The following CCDC171 variants were observed in gnomAD, a reference collection of about 807,000 sequenced individuals.
CCDC171 encodes the protein coiled-coil domain-containing protein 171.
CCDC171 carries 177 observed loss-of-function variants against 168.2 expected under a neutral mutation model. That is an observed-to-expected ratio of 1.05 (90% CI 0.93 to 1.19). The LOEUF is 1.19. Among genes scored for constraint, CCDC171 ranks in the 50% most tolerant of loss-of-function variants. The pLI is 0.00. For synonymous variants in CCDC171, 687 were observed against 540.8 expected (o/e 1.27, Z -3.75); for missense variants, 1,991 against 1,539.0 (o/e 1.29, Z -4.91).
intron 9 of CCDC171, among the ~76,000 whole-genome samples, chr9:15,673,666 A>G (rs202237515): frequency 2.0e-5 from 3 of 152,160 alleles, no homozygotes; most frequent in Non-Finnish European, 4.4e-5. Flanking sequence ...ATTTGCATAT[A>G]TTGAACCAGC....
At chr9:15,656,883 A>G (rs1383391703) in intron 7 of CCDC171, among the ~76,000 whole-genome samples, 1 of 151,950 alleles carries the variant, frequency 6.6e-6, no homozygotes, top group Non-Finnish European at 1.5e-5. Context: ...ATCAAAAAGT[A>G]TATTTTCACT....
intron 21 of CCDC171, among the ~76,000 whole-genome samples, chr9:15,822,178 T>G (rs1030889570): frequency 2.6e-5 from 4 of 152,198 alleles, no homozygotes; most frequent in Admixed American, 2.6e-4. Flanking sequence ...ATACAAAAAT[T>G]AATTCAAGAT....
chr9:15,790,062 G>A (rs927243553), intron 21 of CCDC171, among the ~76,000 whole-genome samples: 8 of 152,148 alleles, frequency 5.3e-5, no homozygotes, highest in African/African-American at 1.7e-4. Flanking sequence ...AATAACATAC[G>A]TGTGCATGTG....
intron 23 of CCDC171, among the ~76,000 whole-genome samples, chr9:15,865,403 T>C (rs1389956348): frequency 6.6e-6 from 1 of 151,936 alleles, no homozygotes; most frequent in African/African-American, 2.4e-5. Context: ...TGTGTATGTA[T>C]GTATATAAAG....
intron 7 of CCDC171, 26 bp from the exon 8 acceptor site, chr9:15,657,100 GA>G: frequency 7.4e-7 from 1 of 1,346,650 alleles, no homozygotes; most frequent in Non-Finnish European, 1.0e-6. Flanking sequence ...CAATGTTTAT[GA>G]ATTTAAACTT....
chr9:15,913,119 C>G (rs1360290451), intron 24 of CCDC171, among the ~76,000 whole-genome samples: 1 of 152,218 alleles, frequency 6.6e-6, no homozygotes, highest in Non-Finnish European at 1.5e-5. Flanking sequence ...AATGGTCCAG[C>G]TCCTTTTTGT....
chr9:15,561,902 C>T (rs1447637814), intron 1 of CCDC171, among the ~76,000 whole-genome samples: 1 of 152,058 alleles, frequency 6.6e-6, no homozygotes, highest in Non-Finnish European at 1.5e-5. Context: ...TCTTACCTGC[C>T]TGTTACTCAA....
At chr9:15,931,456 C>CTTTTTTTTTTTTTT (rs57124025) in intron 25 of CCDC171, among the ~76,000 whole-genome samples, 9 of 44,988 alleles carry the variant, frequency 2.0e-4, no homozygotes, top group Admixed American at 2.8e-4. Flanking sequence ...TTCTTTCTTT[C>CTTTTTTTTTTTTTT]TTTTTTTTTT....
At chr9:15,810,271 A>C (rs953624519) in intron 21 of CCDC171, among the ~76,000 whole-genome samples, 1 of 152,146 alleles carries the variant, frequency 6.6e-6, no homozygotes, top group Non-Finnish European at 1.5e-5. Flanking sequence ...TGCATATACA[A>C]TCCTCTGGCT....
chr9:15,678,959 G>A lies in CCDC171; in HGVS notation c.1215+63G>A, dbSNP rs917491423. ...ATTAGGTCATATTGGATGTATAGCA[G>A]GGTTTTTCCTCACCACATTCCATGA... On this transcript the variant is annotated intron_variant, in intron 10 of 25. Coordinates refer to ENST00000380701, the MANE Select transcript of CCDC171 (RefSeq NM_173550.4). The A allele has an allele frequency of 4.1e-6, 5 of 1,234,038 alleles. No homozygotes were observed. In the South Asian group the frequency reaches 5.8e-5, roughly 14 times the overall value. 76.4% of individuals were successfully genotyped at this position (1,234,038 alleles called of 1,614,324 possible).
chr9:15,743,265 A>G (rs1200660067), intron 16 of CCDC171, among the ~76,000 whole-genome samples: 1 of 146,734 alleles, frequency 6.8e-6, no homozygotes, highest in Non-Finnish European at 1.5e-5. Flanking sequence ...TCCTGGATTC[A>G]ATTGATTCTC....
intron 16 of CCDC171, among the ~76,000 whole-genome samples, chr9:15,733,403 T>C (rs1251056615): frequency 8.6e-5 from 13 of 152,032 alleles, no homozygotes; most frequent in Admixed American, 8.5e-4. Flanking sequence ...GTTTTATAGT[T>C]TTAGGTTTTA....
rs538167610 is a variant in CCDC171 at position 15,557,983 on chromosome 9, C to G, written c.-112+4681C>G. Among the ~76,000 whole-genome samples the G allele has an allele frequency of 1.7e-3, 258 of 152,216 alleles. 2 individuals carry two copies. Among genetic ancestry groups the G allele is most frequent in the Non-Finnish European group, 2.0e-3 (135 of 68,008 alleles). ...ATTTTGTCAAAGGCCTTTTCTGCAT[C>G]TATTGAGATAATCATGTGGTTTTTG... is the stretch of plus-strand genomic sequence containing the variant. On this transcript the variant is annotated intron_variant, in intron 1 of 25. Coordinates refer to ENST00000380701, the MANE Select transcript of CCDC171 (RefSeq NM_173550.4).
intron 21 of CCDC171, among the ~76,000 whole-genome samples, chr9:15,832,103 ATCT>A (rs1347363374): frequency 6.6e-6 from 1 of 151,956 alleles, no homozygotes; most frequent in South Asian, 2.1e-4. Context: ...TTTTCCCATG[ATCT>A]TCTTTTTCTT....
At chr9:16,001,046 G>A (rs1832527715) in intron 3 of CCDC171, among the ~76,000 whole-genome samples, 1 of 152,162 alleles carries the variant, frequency 6.6e-6, no homozygotes, top group South Asian at 2.1e-4. Context: ...AACTTGCCAA[G>A]AGGGTTGTAT....
chr9:15,607,214 A>G (rs1043078959), intron 6 of CCDC171, among the ~76,000 whole-genome samples: 1 of 152,134 alleles, frequency 6.6e-6, no homozygotes, highest in Non-Finnish European at 1.5e-5. Flanking sequence ...TACCTAGATC[A>G]TGTTAGTGTG....
chr9:16,060,822 T>A (rs1011729269), exon 2 of CCDC171: 5 of 152,236 alleles, frequency 3.3e-5, no homozygotes, highest in Non-Finnish European at 7.3e-5. Context: ...TATGAATTAA[T>A]AACACAGATC....
rs552627265 is a variant in CCDC171 at position 15,968,998 on chromosome 9, T to C, written c.3754-2611T>C. 2.6e-5 allele frequency among the ~76,000 whole-genome samples: 4 copies of C among 152,312 alleles called. No individual in the cohort carries two copies. The East Asian group carries it at 5.8e-4, about 22-fold the overall frequency. On this transcript the variant is annotated intron_variant, in intron 25 of 25. Coordinates refer to ENST00000380701, the MANE Select transcript of CCDC171 (RefSeq NM_173550.4). ...AACTCTGTTTACTTTCTAGAGACTA[T>C]ACTTTTGGGGGGTACAAGACTTTAA...
intron 21 of CCDC171, among the ~76,000 whole-genome samples, chr9:15,803,434 T>G (rs1292500692): frequency 6.6e-6 from 1 of 152,104 alleles, no homozygotes; most frequent in Non-Finnish European, 1.5e-5. Flanking sequence ...GAGTTGATTT[T>G]TGTATATGGT....
Sources: gnomAD v4.1 joint callset for allele counts (sites outside exome capture counted in the v4.1 genomes callset) on GRCh38, gnomAD v4.1.1 for gene constraint, MANE v1.5 for transcripts, NCBI Gene and HGNC (gene_info 2026-07-23, HGNC 2026-07-21) for gene names.